Variants in EARS2 observed in about 807,000 individuals in gnomAD.
EARS2 encodes the protein glutamyl-tRNA synthetase 2, mitochondrial.
A neutral mutation model predicts 54.1 loss-of-function variants in EARS2; 50 were observed. The observed-to-expected ratio is 0.92, with a 90% CI of 0.74 to 1.17. The LOEUF (loss-of-function observed/expected upper bound fraction) is 1.17, where lower values mean the gene tolerates loss of function less well. Ranked by LOEUF, EARS2 falls within the 50% of genes most tolerant of loss-of-function variation. The pLI, the probability that EARS2 is intolerant of heterozygous loss-of-function variation, is 0.00. For synonymous variants in EARS2, 298 were observed against 281.0 expected, an observed-to-expected ratio of 1.06 and a Z score of -0.61; for missense variants, 673 against 675.0, an observed-to-expected ratio of 1.00 and a Z score of 0.03.
chr16:23,543,319 G>C (rs1965546501), intron 3 of EARS2, among the ~76,000 whole-genome samples: 1 of 151,500 alleles, frequency 6.6e-6, no homozygotes, highest in African/African-American at 2.4e-5. Context: ...GGCTGAGATG[G>C]GGGCACTGCG....
At chr16:23,543,619 G>C (rs965925285) in intron 3 of EARS2, among the ~76,000 whole-genome samples, 1 of 151,722 alleles carries the variant, frequency 6.6e-6, no homozygotes, top group South Asian at 2.1e-4. Context: ...TGTAGTCCCA[G>C]CTACCCAGGA....
intron 2 of EARS2, among the ~76,000 whole-genome samples, chr16:23,547,260 T>C (rs1412183571): frequency 6.6e-6 from 1 of 152,178 alleles, no homozygotes; most frequent in African/African-American, 2.4e-5. Context: ...AGGCCATATA[T>C]TATATGATCT....
chr16:23,543,058 T>C (rs1013069247), intron 3 of EARS2, among the ~76,000 whole-genome samples: 3 of 135,244 alleles, frequency 2.2e-5, no homozygotes, highest in African/African-American at 8.5e-5. Context: ...GAGACTGCAG[T>C]AAGCTGAGAT....
At chr16:23,554,364 A>C (rs1965742953) in intron 1 of EARS2, among the ~76,000 whole-genome samples, 1 of 152,186 alleles carries the variant, frequency 6.6e-6, no homozygotes, top group East Asian at 1.9e-4. Flanking sequence ...AACCAAAAGT[A>C]GTGTTTGATT....
At chr16:23,546,521 G>A (rs1254950173) in intron 2 of EARS2, 2 of 447,266 alleles carry the variant, frequency 4.5e-6, no homozygotes, top group African/African-American at 2.0e-5. Flanking sequence ...TACTCATCAA[G>A]TGGCCTGTGA....
chr16:23,531,723 T>C (rs1301755461), intron 5 of EARS2, among the ~76,000 whole-genome samples: 1 of 152,224 alleles, frequency 6.6e-6, no homozygotes, highest in Non-Finnish European at 1.5e-5. Flanking sequence ...TGCAAGTAAA[T>C]GCACTGATAC....
At chr16:23,540,924 G>A (rs1483779370) in intron 3 of EARS2, among the ~76,000 whole-genome samples, 1 of 152,114 alleles carries the variant, frequency 6.6e-6, no homozygotes, top group Admixed American at 6.5e-5. Flanking sequence ...CCAGGAAGTG[G>A]AGGTTGCAGT....
intron 2 of EARS2, among the ~76,000 whole-genome samples, chr16:23,547,685 A>G (rs1965626686): frequency 6.6e-6 from 1 of 151,964 alleles, no homozygotes. Flanking sequence ...TTGTATTTTT[A>G]TTAGAGACAG....
chr16:23,547,384 C>G (rs1965621185), intron 2 of EARS2, among the ~76,000 whole-genome samples: 1 of 152,086 alleles, frequency 6.6e-6, no homozygotes, highest in African/African-American at 2.4e-5. Context: ...GGAAGAGTTT[C>G]TTTTAGGGGT....
chr16:23,526,234 T>TCCTGAGTA (rs1307477476), intron 7 of EARS2, among the ~76,000 whole-genome samples: 1 of 149,644 alleles, frequency 6.7e-6, no homozygotes, highest in Non-Finnish European at 1.5e-5. Flanking sequence ...TGCCTTAGCC[T>TCCTGAGTA]CCTGAGTAGC....
intron 2 of EARS2, among the ~76,000 whole-genome samples, chr16:23,547,989 G>A (rs918426707): frequency 1.3e-5 from 2 of 151,916 alleles, no homozygotes; most frequent in African/African-American, 4.8e-5. Flanking sequence ...CCAGCACTTT[G>A]GGAGGCTGAG....
At chr16:23,532,124 C>A (rs566209801) in intron 5 of EARS2, among the ~76,000 whole-genome samples, 19 of 152,192 alleles carry the variant, frequency 1.2e-4, no homozygotes, top group Admixed American at 9.2e-4. Flanking sequence ...ACACTAATAC[C>A]CTTTGACTCA....
chr16:23,542,697 T>C (rs1965536053), intron 3 of EARS2, among the ~76,000 whole-genome samples: 1 of 152,314 alleles, frequency 6.6e-6, no homozygotes, highest in African/African-American at 2.4e-5. Context: ...GCTTCTAACA[T>C]AGCCCCAGTC....
Position 23,534,915 on chromosome 16 carries a change from T to A in EARS2, c.931A>T (p.Ile311Phe), listed in dbSNP as rs773325130. 6.3e-7 allele frequency: 1 copy of A among 1,588,852 alleles called. No individual in the cohort carries two copies. Among genetic ancestry groups the A allele is most frequent in the South Asian group, 1.2e-5 (1 of 86,878 alleles). Reference sequence around the variant, plus strand: ...GCAAAACCTGAGCCACAGTTGGTGATGATGTCCAACAAGGAATCGGGCAGG... The same window carrying A: ...GCAAAACCTGAGCCACAGTTGGTGAAGATGTCCAACAAGGAATCGGGCAGG... ...GFLPDSLLDI[I>F]TNCGSGFAEN... Residue 311 changes from isoleucine to phenylalanine, a missense_variant, in exon 4 of 9, where the codon ATC (isoleucine) becomes TTC (phenylalanine). Around this residue, in one of 3 missense-constraint regions of EARS2, gnomAD observed 338 missense variants for 361.2 expected, o/e 0.94. Coordinates refer to ENST00000449606, the MANE Select transcript of EARS2 (RefSeq NM_001083614.2).
At position 23,550,523 on chromosome 16, in the gene EARS2, C is replaced by T. The variant is rs554357062; in HGVS notation, c.295+1626G>A. Among the ~76,000 whole-genome samples, 7 of 150,118 alleles carry T rather than the reference C, an allele frequency of 4.7e-5. No homozygotes were observed. The South Asian group carries it at 6.4e-4, about 14-fold the overall frequency. Reference sequence around the variant, plus strand: ...TGCAATCTCGGCTCACTGCAAGCTCCGCCTTCCGGGTTCACGCCATTCTCC... The same window carrying T: ...TGCAATCTCGGCTCACTGCAAGCTCTGCCTTCCGGGTTCACGCCATTCTCC... On this transcript the variant is annotated intron_variant, in intron 2 of 8. Coordinates refer to ENST00000449606, the MANE Select transcript of EARS2 (RefSeq NM_001083614.2).
chr16:23,537,230 C>T (rs1048477996), intron 3 of EARS2: 1 of 157,220 alleles, frequency 6.4e-6, no homozygotes, highest in African/African-American at 2.4e-5. Flanking sequence ...AGAGCAGCGG[C>T]AGTAAACATA....
intron 3 of EARS2, among the ~76,000 whole-genome samples, chr16:23,544,131 GCTCA>G (rs1242583545): frequency 6.6e-6 from 1 of 152,182 alleles, no homozygotes; most frequent in Non-Finnish European, 1.5e-5. Flanking sequence ...GCTCGTACGT[GCTCA>G]CTCTCTCCTT....
chr16:23,555,415 G>A (rs1384978781), intron 1 of EARS2, among the ~76,000 whole-genome samples: 2 of 152,186 alleles, frequency 1.3e-5, no homozygotes, highest in Non-Finnish European at 2.9e-5. Context: ...TTGAGCCCCG[G>A]AGGCTGAGGT....
chr16:23,551,515 C>A (rs916928740), intron 2 of EARS2, among the ~76,000 whole-genome samples: 8 of 151,750 alleles, frequency 5.3e-5, no homozygotes, highest in Non-Finnish European at 1.0e-4. Flanking sequence ...ACTTGGGAGG[C>A]TAAGGTGGAG....
Sources: allele counts gnomAD v4.1 joint callset (sites outside exome capture counted in the v4.1 genomes callset), GRCh38; gene constraint gnomAD v4.1.1; regional missense constraint gnomAD v4.1.1; transcripts MANE v1.5; gene names NCBI Gene and HGNC (gene_info 2026-07-23, HGNC 2026-07-21).